The following VPS13A variants were observed in gnomAD, a reference collection of about 807,000 sequenced individuals.
VPS13A encodes vacuolar protein sorting 13 homolog A, also known as intermembrane lipid transfer protein VPS13A.
Under a neutral mutation model 390.9 loss-of-function variants are expected in VPS13A, and 264 were observed. The ratio of observed to expected loss-of-function variants is 0.68; its 90% CI spans 0.61 to 0.75. The LOEUF (loss-of-function observed/expected upper bound fraction) is 0.75, where lower values mean the gene tolerates loss of function less well. Ranked by LOEUF, VPS13A falls within the 30% of genes least tolerant of loss-of-function variation. The pLI is 0.00. For missense variants in VPS13A, 3,409 were observed against 3,733.9 expected, an observed-to-expected ratio of 0.91 and a Z score of 2.27; for synonymous variants, 1,231 against 1,227.1, an observed-to-expected ratio of 1.00 and a Z score of -0.07.
chr9:77,209,537 G>A lies in VPS13A; in HGVS notation c.495+5G>A. 1 of 1,513,890 alleles carries A rather than the reference G, an allele frequency of 6.6e-7. No individual in the cohort carries two copies. The allele number at this position is 1,513,890 out of a possible 1,614,324, so 93.8% of individuals were successfully genotyped here. On this transcript the variant is annotated splice_donor_5th_base_variant and intron_variant, in intron 6 of 71. Coordinates refer to ENST00000360280, the MANE Select transcript of VPS13A (RefSeq NM_033305.3). ...CATATTCGTTATGAAGATGATGTAA[G>A]TATTTTAATATGTGATATTTGTTTT...
chr9:77,398,027 G>C lies in VPS13A; in HGVS notation c.9190-5209G>C, dbSNP rs184032626. On this transcript the variant is annotated intron_variant, in intron 68 of 71. Coordinates refer to ENST00000360280, the MANE Select transcript of VPS13A (RefSeq NM_033305.3). ...TCTTTATGTAAAGGCCCTACATGAT[G>C]ATTCCCAAACCCTGATTTTGCTAAT... Among the ~76,000 whole-genome samples, 22 of 152,276 alleles carry C rather than the reference G, an allele frequency of 1.4e-4. No homozygotes were observed. In the East Asian group the frequency reaches 3.9e-3, roughly 27 times the overall value.
intron 68 of VPS13A, among the ~76,000 whole-genome samples, chr9:77,400,517 G>C (rs897514184): frequency 1.3e-5 from 2 of 151,756 alleles, no homozygotes; most frequent in Middle Eastern, 3.4e-3. Flanking sequence ...TTATATTTTG[G>C]CCTTTCCCAC....
chr9:77,264,304 T>C (rs1587450189), intron 23 of VPS13A, among the ~76,000 whole-genome samples: 2 of 152,344 alleles, frequency 1.3e-5, no homozygotes, highest in South Asian at 4.1e-4. Context: ...ATATGAACTT[T>C]AAAGTAGTTT....
chr9:77,319,478 G>T, intron 41 of VPS13A, 94 bp from the exon 42 acceptor site: 1 of 821,678 alleles, frequency 1.2e-6, no homozygotes, highest in South Asian at 1.4e-5. Flanking sequence ...ATGGCATGTA[G>T]ACTGGTTTTT....
chr9:77,314,475 GT>G lies in VPS13A; in HGVS notation c.4243-18del. 1 of 1,608,150 alleles carries G rather than the reference GT, an allele frequency of 6.2e-7. No homozygotes were observed. Among genetic ancestry groups the G allele is most frequent in the South Asian group, 1.1e-5 (1 of 90,884 alleles). On this transcript the variant is annotated intron_variant, in intron 36 of 71. Coordinates refer to ENST00000360280, the MANE Select transcript of VPS13A (RefSeq NM_033305.3). ...GACTTGTGTTTCTTTGTAATTTTGT[GT>G]TGGTTTCTCCTTTCATAGGCTTCCT...
intron 46 of VPS13A, among the ~76,000 whole-genome samples, chr9:77,335,290 A>G (rs1830479067): frequency 6.6e-6 from 1 of 152,224 alleles, no homozygotes; most frequent in Admixed American, 6.5e-5. Flanking sequence ...GTGACAACCA[A>G]TAATTTTGTC....
intron 65 of VPS13A, 45 bp from the exon 66 acceptor site, chr9:77,370,845 A>G (rs1832709007): frequency 6.2e-7 from 1 of 1,611,278 alleles, no homozygotes; most frequent in South Asian, 1.1e-5. Context: ...TCTTCTAGGC[A>G]TCATAAAAAA....
Position 77,206,014 on chromosome 9 carries a change from T to A in VPS13A, c.320T>A (p.Leu107His). The change falls in exon 5 of 72, where the codon CTC (leucine) becomes CAC (histidine). Residue 107 changes from leucine to histidine, a missense_variant. Leu to His is a moderately conservative substitution (Grantham distance 99). This residue lies in a region of VPS13A where 2,717 missense variants were observed against 2,917.4 expected (regional missense o/e 0.93). Coordinates refer to ENST00000360280, the MANE Select transcript of VPS13A (RefSeq NM_033305.3). ...GATCCTTTAAAAGAAGAGAAACAAC[T>A]CATGGAAGCAAAGCAACAGGAACTG... ...KYDPLKEEKQ[L>H]MEAKQQELKR... 1 of 1,581,592 alleles carries A rather than the reference T, an allele frequency of 6.3e-7. No individual in the cohort carries two copies. Among genetic ancestry groups the A allele is most frequent in the South Asian group, 1.2e-5 (1 of 86,278 alleles).
chr9:77,407,931 G>T (rs776246095), intron 71 of VPS13A, among the ~76,000 whole-genome samples: 7 of 152,062 alleles, frequency 4.6e-5, no homozygotes, highest in African/African-American at 1.4e-4. Flanking sequence ...TAATCCATCA[G>T]CTCCAACAGG....
chr9:77,344,011 G>T, intron 50 of VPS13A, 142 bp from the exon 51 acceptor site: 1 of 765,486 alleles, frequency 1.3e-6, no homozygotes. Flanking sequence ...GTTTACAGCT[G>T]TTTAAACAAC....
intron 17 of VPS13A, among the ~76,000 whole-genome samples, chr9:77,234,511 A>G (rs1384304014): frequency 1.3e-5 from 2 of 152,218 alleles, no homozygotes; most frequent in South Asian, 2.1e-4. Context: ...AGTATATTAA[A>G]TACATTTTTG....
At position 77,339,530 on chromosome 9, in the gene VPS13A, G is replaced by C; in HGVS notation, c.6393G>C (p.Ser2131=). 6.5e-7 allele frequency: 1 copy of C among 1,534,348 alleles called. No homozygotes were observed. Among genetic ancestry groups the C allele is most frequent in the South Asian group, 1.2e-5 (1 of 80,040 alleles). The change falls in exon 48 of 72, where the codon TCG becomes TCC. Residue 2131 remains serine, a synonymous_variant. Coordinates refer to ENST00000360280, the MANE Select transcript of VPS13A (RefSeq NM_033305.3). ...TTTTATTACAGGGAATTGAAAATTCGGTTTTTACTCTAAGTGAAGGACATT... is the reference window on the plus strand; with the variant it reads ...TTTTATTACAGGGAATTGAAAATTCCGTTTTTACTCTAAGTGAAGGACATT... ...IAYYIEGIEN[S]VFTLSEGHSA... is the part of the protein sequence containing the mutation.
At chr9:77,295,419 T>C in intron 32 of VPS13A, 123 bp from the exon 33 acceptor site, 1 of 791,464 alleles carries the variant, frequency 1.3e-6, no homozygotes, top group Non-Finnish European at 1.8e-6. Flanking sequence ...TTTGAATAAA[T>C]AATGCTTGGT....
In VPS13A at chr9:77,303,021, G is replaced by A; in HGVS notation, c.3919G>A (p.Val1307Ile). The change falls in exon 34 of 72, where the codon GTT (valine) becomes ATT (isoleucine). Residue 1307 changes from valine to isoleucine, a missense_variant. Around this residue, in one of 5 missense-constraint regions of VPS13A, gnomAD observed 2,717 missense variants for 2,917.4 expected, o/e 0.93. Transcript: ENST00000360280. ...RNLCWEWYQEVPCFNVNAQLK... is the reference protein window; with the variant it reads ...RNLCWEWYQEIPCFNVNAQLK... Reference sequence around the variant, plus strand: ...TTTATGCTGGGAGTGGTACCAGGAAGTTCCTTGTTTTAATGTAAATGCTCA... The same window carrying A: ...TTTATGCTGGGAGTGGTACCAGGAAATTCCTTGTTTTAATGTAAATGCTCA... 1 of 1,614,000 alleles carries A rather than the reference G, an allele frequency of 6.2e-7. No homozygotes were observed. Among genetic ancestry groups the A allele is most frequent in the Non-Finnish European group, 8.5e-7 (1 of 1,179,972 alleles).
At chr9:77,274,924 GCTTTTTCAGTC>G (rs1199127926) in intron 24 of VPS13A, among the ~76,000 whole-genome samples, 1 of 151,912 alleles carries the variant, frequency 6.6e-6, no homozygotes, top group Admixed American at 6.6e-5. Context: ...GTTATCTAAT[GCTTTTTCAGTC>G]CTTTTTAATA....
intron 68 of VPS13A, among the ~76,000 whole-genome samples, chr9:77,388,869 G>T (rs1199418944): frequency 6.6e-6 from 1 of 152,002 alleles, no homozygotes; most frequent in Admixed American, 6.6e-5. Flanking sequence ...ATAAAACTTG[G>T]CATTTCTATG....
At chr9:77,332,323 ATATAAT>A (rs749002908) in intron 46 of VPS13A, among the ~76,000 whole-genome samples, 2 of 151,972 alleles carry the variant, frequency 1.3e-5, no homozygotes, top group African/African-American at 4.8e-5. Context: ...TTTCTCTTAA[ATATAAT>A]TATATTTTGA....
At chr9:77,351,227 C>A (rs1296258075) in intron 52 of VPS13A, 90 bp from the exon 53 acceptor site, 3 of 1,527,066 alleles carry the variant, frequency 2.0e-6, no homozygotes, top group African/African-American at 1.4e-5. Flanking sequence ...TCTCAGTGAA[C>A]TAAGAATTAA....
chr9:77,400,316 C>T (rs1400118774), intron 68 of VPS13A, among the ~76,000 whole-genome samples: 2 of 130,448 alleles, frequency 1.5e-5, no homozygotes, highest in African/African-American at 5.7e-5. Context: ...TCGGTTTCTT[C>T]AAATTGCTAG....
Sources: gnomAD v4.1 joint callset for allele counts (sites outside exome capture counted in the v4.1 genomes callset) on GRCh38, gnomAD v4.1.1 for gene constraint, gnomAD v4.1.1 regional missense constraint, MANE v1.5 for transcripts, NCBI Gene and HGNC (gene_info 2026-07-23, HGNC 2026-07-21) for gene names.